Variants in PSMG4 observed in about 807,000 individuals in gnomAD.
PSMG4 encodes the protein proteasome (prosome, macropain) assembly chaperone 4.
A neutral mutation model predicts 11.0 loss-of-function variants in PSMG4; 10 were observed. That is an observed-to-expected ratio of 0.91 (90% CI 0.56 to 1.54). The LOEUF is 1.54. PSMG4 is among the 40% of genes most tolerant of loss of function. The pLI is 0.00. For synonymous variants in PSMG4, 95 were observed against 71.3 expected (o/e 1.33, Z -1.68); for missense variants, 198 against 160.9 (o/e 1.23, Z -1.25).
chr6:3,255,056 A>G (rs79128596), upstream of PSMG4: 3 of 1,550,706 alleles, frequency 1.9e-6, no homozygotes, highest in Non-Finnish European at 2.6e-6. Context: ...GACAGGAACA[A>G]ACACACTTGG....
upstream of PSMG4, chr6:3,255,283 AT>A: frequency 6.5e-7 from 1 of 1,534,946 alleles, no homozygotes. Flanking sequence ...TTACGGGTCT[AT>A]CGGTGCCCAT....
At chr6:3,255,006 A>C (rs547264286), upstream of PSMG4, 75 of 1,543,312 alleles carry the variant, frequency 4.9e-5, no homozygotes, top group Middle Eastern at 1.7e-4. Flanking sequence ...GCGCACTCCC[A>C]TGTGGGAGCG....
upstream of PSMG4, among the ~76,000 whole-genome samples, chr6:3,254,492 G>T (rs570895234): frequency 1.2e-4 from 18 of 152,038 alleles, no homozygotes; most frequent in African/African-American, 4.1e-4. Flanking sequence ...GTTGCTGGTG[G>T]TTTTTTGTGT....
chr6:3,255,281 C>T (rs1049153784), upstream of PSMG4: 1 of 1,536,216 alleles, frequency 6.5e-7, no homozygotes, highest in Non-Finnish European at 8.8e-7. Context: ...TCTTACGGGT[C>T]TATCGGTGCC....
intron 2 of PSMG4, chr6:3,266,695 G>A (rs1365538000): frequency 6.6e-6 from 1 of 151,190 alleles, no homozygotes. Context: ...CTTACATTCA[G>A]TAGAAAATTA....
At chr6:3,255,165 C>A (rs150012128), upstream of PSMG4, 37 of 1,550,914 alleles carry the variant, frequency 2.4e-5, no homozygotes, top group East Asian at 3.9e-4. Context: ...GCCATACTGA[C>A]GGCTTACATG....
upstream of PSMG4, among the ~76,000 whole-genome samples, chr6:3,257,794 A>G (rs1040212114): frequency 6.6e-6 from 1 of 152,180 alleles, no homozygotes; most frequent in Non-Finnish European, 1.5e-5. Flanking sequence ...GATTGTGATG[A>G]TGATTTCACT....
intron 2 of PSMG4, chr6:3,265,592 G>A (rs1758151501): frequency 6.6e-6 from 1 of 152,252 alleles, no homozygotes; most frequent in Non-Finnish European, 1.5e-5. Context: ...TATAGGGCAG[G>A]GTGTGACTTA....
chr6:3,259,150 C>A lies in PSMG4; in HGVS notation c.128C>A (p.Ala43Asp). 1 of 1,304,936 alleles carries A rather than the reference C, an allele frequency of 7.7e-7. No individual in the cohort carries two copies. The highest frequency in any genetic ancestry group is 9.7e-7 in the Non-Finnish European group (1 of 1,026,756). The allele number at this position is 1,304,936 out of a possible 1,614,324, so 80.8% of individuals were successfully genotyped here. ...GACTCGCTGTTCCTGTGGGTGGGGG[C>A]CACGCCGCACCTGCGCAACCTCGCC... ...LTDSLFLWVG[A>D]TPHLRNLAVA... Residue 43 changes from alanine (A) to aspartate (D), a missense_variant, in exon 1 of 3, where the codon GCC (alanine) becomes GAC (aspartate). Transcript: ENST00000438998.
upstream of PSMG4, chr6:3,255,054 C>CA (rs1561836662): frequency 1.3e-6 from 2 of 1,550,828 alleles, no homozygotes; most frequent in Non-Finnish European, 1.7e-6. Flanking sequence ...TGGACAGGAA[C>CA]AAACACACTT....
At chr6:3,260,275 T>TTATATATA (rs1261021278) in intron 1 of PSMG4, among the ~76,000 whole-genome samples, 8 of 69,098 alleles carry the variant, frequency 1.2e-4, no homozygotes, top group African/African-American at 5.0e-4. Flanking sequence ...TTGTCTTAAA[T>TTATATATA]TGTATATATA....
At chr6:3,265,147 C>T (rs1349504906) in intron 2 of PSMG4, 13 of 152,296 alleles carry the variant, frequency 8.5e-5, no homozygotes, top group Admixed American at 2.0e-4. Flanking sequence ...TCGACTGTCT[C>T]AACAAGTCAC....
At chr6:3,255,737 G>A (rs1223147710), upstream of PSMG4, among the ~76,000 whole-genome samples, 3 of 152,230 alleles carry the variant, frequency 2.0e-5, no homozygotes, top group Non-Finnish European at 4.4e-5. Context: ...AAAACAGGTG[G>A]CAGTGGGCAA....
At position 3,260,291 on chromosome 6, in the gene PSMG4, ATTT is replaced by A. The variant is rs869076629; in HGVS notation, c.174+1111_174+1113del. ...TGTCTTAAATTGTATATATATATAT[ATTT>A]TTTTTTTTTTTTTTTGAAGCAAAGT... On this transcript the variant is annotated intron_variant, in intron 1 of 2. Coordinates refer to ENST00000438998, the MANE Select transcript of PSMG4 (RefSeq NM_001128591.2). Among the ~76,000 whole-genome samples, 15 of 70,862 alleles carry A rather than the reference ATTT, an allele frequency of 2.1e-4. 1 individual carries two copies. The East Asian group carries it at 4.6e-3, about 22-fold the overall frequency. The allele number at this position is 70,862 out of a possible 152,430, so 46.5% of individuals were successfully genotyped here. A position where few individuals can be genotyped will look rare whatever the true frequency, so the allele number is the denominator to read the frequency against.
rs370682374 is a variant in PSMG4 at position 3,263,749 on chromosome 6, C to G, written c.240C>G (p.Ala80=). The change falls in exon 2 of 3, where the codon GCC becomes GCG. Residue 80 remains alanine (A), a synonymous_variant. Coordinates refer to ENST00000438998, the MANE Select transcript of PSMG4 (RefSeq NM_001128591.2). ...CCGACACGACCTCTACTGGCCTTGC[C>G]CAGCGCCTAGGTATGTACCCACAGC... ...DTSDTTSTGL[A]QRLARKTNKQ... The G allele has an allele frequency of 3.9e-6, 6 of 1,551,260 alleles. No individual in the cohort carries two copies. The highest frequency in any genetic ancestry group is 5.2e-6 in the Non-Finnish European group (6 of 1,146,804).
chr6:3,262,954 C>A (rs4316041), intron 1 of PSMG4, among the ~76,000 whole-genome samples: 2 of 152,028 alleles, frequency 1.3e-5, no homozygotes, highest in Admixed American at 6.5e-5. Flanking sequence ...TGCTGGGATT[C>A]TGGGACTAGC....
At chr6:3,260,087 G>A (rs182440555) in intron 1 of PSMG4, among the ~76,000 whole-genome samples, 57 of 139,140 alleles carry the variant, frequency 4.1e-4, no homozygotes, top group African/African-American at 1.5e-3. Context: ...CTACAGACAT[G>A]TGCCACCATA....
Position 3,267,673 on chromosome 6 carries a change from G to T in PSMG4, c.333G>T (p.Arg111Ser). 6.4e-7 allele frequency: 1 copy of T among 1,552,304 alleles called. No homozygotes were observed. Among genetic ancestry groups the T allele is most frequent in the Non-Finnish European group, 8.7e-7 (1 of 1,147,090 alleles). ...ACTTCGCATTACTTGTAGAAAACAG[G>T]ATCAAGGAAGAGATGGAGGCTTTCC... ...DSNFALLVEN[R>S]IKEEMEAFPE... Residue 111 changes from arginine (R) to serine (S), a missense_variant, in exon 3 of 3, where the codon AGG becomes AGT. Transcript: ENST00000438998.
intron 1 of PSMG4, among the ~76,000 whole-genome samples, chr6:3,260,095 A>G (rs796875036): frequency 3.2e-5 from 3 of 92,902 alleles, no homozygotes; most frequent in South Asian, 7.1e-4. Context: ...ATGTGCCACC[A>G]TACCTGGCTA....
Sources: allele counts gnomAD v4.1 joint callset (sites outside exome capture counted in the v4.1 genomes callset), GRCh38; gene constraint gnomAD v4.1.1; transcripts MANE v1.5; gene names NCBI Gene and HGNC (gene_info 2026-07-23, HGNC 2026-07-21).